LDB2: variants seen among roughly 807,000 people sequenced by gnomAD.
The protein encoded by LDB2 is LIM domain-binding protein 2.
A neutral mutation model predicts 44.3 loss-of-function variants in LDB2; 12 were observed. That is an observed-to-expected ratio of 0.27 (90% CI 0.17 to 0.44). The LOEUF (loss-of-function observed/expected upper bound fraction) is 0.44, where lower values mean the gene tolerates loss of function less well. Among genes scored for constraint, LDB2 ranks in the 20% least tolerant of loss-of-function variants. The probability of loss-of-function intolerance (pLI) is 1.00; values close to 1 mark genes in which losing one functional copy is unlikely to be tolerated. For synonymous variants in LDB2, 164 were observed against 174.8 expected, an observed-to-expected ratio of 0.94 and a Z score of 0.49; for missense variants, 344 against 473.5, an observed-to-expected ratio of 0.73 and a Z score of 2.54.
At chr4:16,819,920 T>G (rs536462983) in intron 1 of LDB2, among the ~76,000 whole-genome samples, 1 of 152,330 alleles carries the variant, frequency 6.6e-6, no homozygotes, top group African/African-American at 2.4e-5. Context: ...TCCTCTGGAT[T>G]CTGTTGGTCA....
chr4:16,504,918 G>C (rs188230126), intron 7 of LDB2, among the ~76,000 whole-genome samples: 1 of 152,190 alleles, frequency 6.6e-6, no homozygotes, highest in Non-Finnish European at 1.5e-5. Flanking sequence ...AAACACATGC[G>C]TAAGGCGTCA....
chr4:16,544,751 A>T (rs544025316), intron 5 of LDB2, among the ~76,000 whole-genome samples: 1 of 152,292 alleles, frequency 6.6e-6, no homozygotes, highest in South Asian at 2.1e-4. Context: ...TCTGACCAAG[A>T]TGAATTTGAC....
At chr4:16,816,483 A>G (rs1270129045) in intron 1 of LDB2, among the ~76,000 whole-genome samples, 1 of 140,642 alleles carries the variant, frequency 7.1e-6, no homozygotes, top group African/African-American at 2.7e-5. Flanking sequence ...ATCTCAGCTC[A>G]CTGCAACCTC....
chr4:16,592,477 T>C (rs1205484802), intron 3 of LDB2, among the ~76,000 whole-genome samples: 2,934 of 122,104 alleles, frequency 0.024, 108 homozygotes, highest in Admixed American at 0.06. Context: ...TATATATATA[T>C]ATATATATAT....
chr4:16,596,640 C>T (rs1330103069), intron 2 of LDB2, among the ~76,000 whole-genome samples: 1 of 152,188 alleles, frequency 6.6e-6, no homozygotes, highest in African/African-American at 2.4e-5. Flanking sequence ...ATTATTCTAT[C>T]TGCTTTTGGA....
At chr4:16,728,316 G>C (rs1466050171) in intron 2 of LDB2, among the ~76,000 whole-genome samples, 5 of 152,144 alleles carry the variant, frequency 3.3e-5, no homozygotes, top group South Asian at 4.2e-4. Flanking sequence ...GAGGCTCAAA[G>C]ATGTCAGCTT....
chr4:16,896,289 C>T (rs1464431623), intron 1 of LDB2, among the ~76,000 whole-genome samples: 1 of 152,118 alleles, frequency 6.6e-6, no homozygotes, highest in African/African-American at 2.4e-5. Flanking sequence ...GTTAGGAATT[C>T]CTGAGTTTAG....
chr4:16,888,369 T>C (rs1435667166), intron 1 of LDB2, among the ~76,000 whole-genome samples: 2 of 152,228 alleles, frequency 1.3e-5, no homozygotes, highest in Non-Finnish European at 2.9e-5. Context: ...GTCTCATACA[T>C]TGGTCAACCC....
chr4:16,581,040 G>A (rs1038424567), intron 5 of LDB2, among the ~76,000 whole-genome samples: 4 of 152,138 alleles, frequency 2.6e-5, no homozygotes, highest in African/African-American at 9.7e-5. Flanking sequence ...CTTTCATTTT[G>A]ATGAAATGAA....
In LDB2 at chr4:16,512,108, C is replaced by T; in HGVS notation, c.616-4G>A. 6.2e-7 allele frequency: 1 copy of T among 1,603,636 alleles called. No homozygotes were observed. The highest frequency in any genetic ancestry group is 8.5e-7 in the Non-Finnish European group (1 of 1,173,780). On this transcript the variant is annotated splice_polypyrimidine_tract_variant and splice_region_variant and intron_variant, in intron 5 of 7. Coordinates refer to ENST00000304523, the MANE Select transcript of LDB2 (RefSeq NM_001290.5). ...TTGGCTCCAATATTACACACAACTG[C>T]AAGAAGTTCAAAGACATTGGCATTT...
intron 1 of LDB2, among the ~76,000 whole-genome samples, chr4:16,840,218 G>C (rs1422787093): frequency 3.9e-5 from 6 of 152,160 alleles, no homozygotes; most frequent in African/African-American, 1.4e-4. Flanking sequence ...CTCAGGCACT[G>C]AGCCCAGCAG....
chr4:16,705,015 C>A (rs1048218726), intron 2 of LDB2, among the ~76,000 whole-genome samples: 6 of 152,092 alleles, frequency 3.9e-5, no homozygotes, highest in Non-Finnish European at 7.3e-5. Context: ...ATTTCACCTG[C>A]CTTCACTACA....
intron 2 of LDB2, among the ~76,000 whole-genome samples, chr4:16,742,074 C>CTTTTTTTTTTTT (rs33990510): frequency 3.1e-5 from 4 of 128,310 alleles, no homozygotes; most frequent in Admixed American, 8.1e-5. Context: ...CTTTTCTTTT[C>CTTTTTTTTTTTT]TTTTTTTTTT....
At chr4:16,659,855 C>T (rs577101540) in intron 2 of LDB2, among the ~76,000 whole-genome samples, 1 of 152,184 alleles carries the variant, frequency 6.6e-6, no homozygotes, top group Admixed American at 6.5e-5. Context: ...TGATAAATCT[C>T]TCGCTTTGTG....
intron 4 of LDB2, 92 bp from the exon 5 acceptor site, chr4:16,586,097 T>C (rs1239951843): frequency 3.2e-6 from 3 of 923,574 alleles, no homozygotes; most frequent in South Asian, 1.4e-5. Context: ...AGAAATGCAA[T>C]CTCGACATTG....
chr4:16,557,422 C>T lies in LDB2; in HGVS notation c.615+28500G>A, dbSNP rs546659417. 7.9e-5 allele frequency among the ~76,000 whole-genome samples: 12 copies of T among 152,326 alleles called. No homozygotes were observed. In the South Asian group the frequency reaches 1.7e-3, roughly 21 times the overall value. On this transcript the variant is annotated intron_variant, in intron 5 of 7. Transcript: ENST00000304523. The stretch of plus-strand genomic sequence containing the variant: ...AGGAGATTATATCCCGCACCTGGCT[C>T]GGAGGGTCCTACGCCCACGGAATCT...
intron 1 of LDB2, among the ~76,000 whole-genome samples, chr4:16,896,307 A>G (rs75583530): frequency 0.014 from 2,112 of 152,308 alleles, 22 homozygotes; most frequent in Middle Eastern, 0.051. Context: ...TAGCTCTCAC[A>G]AAAAATAATG....
intron 3 of LDB2, among the ~76,000 whole-genome samples, chr4:16,594,855 T>A (rs1277497223): frequency 6.6e-6 from 1 of 152,198 alleles, no homozygotes; most frequent in Non-Finnish European, 1.5e-5. Flanking sequence ...TGAGTCTTAG[T>A]CAAAATGCAG....
At chr4:16,637,547 G>A (rs552082815) in intron 2 of LDB2, among the ~76,000 whole-genome samples, 4 of 152,012 alleles carry the variant, frequency 2.6e-5, no homozygotes, top group Non-Finnish European at 4.4e-5. Context: ...CTGTCCTCTT[G>A]GGGTTTAAAA....
Sources: allele counts gnomAD v4.1 joint callset (sites outside exome capture counted in the v4.1 genomes callset), GRCh38; gene constraint gnomAD v4.1.1; transcripts MANE v1.5; gene names NCBI Gene and HGNC (gene_info 2026-07-23, HGNC 2026-07-21).